Variants in CDK8 observed in about 807,000 individuals in gnomAD.
CDK8 encodes the protein cyclin dependent kinase 8.
A neutral mutation model predicts 71.5 loss-of-function variants in CDK8; 29 were observed. That is an observed-to-expected ratio of 0.41 (90% CI 0.30 to 0.55). The LOEUF is 0.55. CDK8 is among the 20% of genes least tolerant of loss of function. CDK8 has a pLI of 0.37. For synonymous variants in CDK8, 161 were observed against 192.1 expected (o/e 0.84, Z 1.34); for missense variants, 288 against 572.6 (o/e 0.50, Z 5.07).
intron 1 of CDK8, among the ~76,000 whole-genome samples, chr13:26,257,621 T>C (rs1233335043): frequency 6.6e-6 from 1 of 152,108 alleles, no homozygotes. Context: ...TCTTTCTGAG[T>C]TGATTGTATC....
chr13:26,378,202 A>C (rs571574118), intron 4 of CDK8, among the ~76,000 whole-genome samples: 2 of 152,326 alleles, frequency 1.3e-5, no homozygotes, highest in South Asian at 4.1e-4. Flanking sequence ...TTTCTTCATC[A>C]ACCCAGTTCT....
chr13:26,283,437 G>A (rs186415247), intron 1 of CDK8, among the ~76,000 whole-genome samples: 177 of 147,924 alleles, frequency 1.2e-3, no homozygotes, highest in Middle Eastern at 7.6e-3. Context: ...GTGAAACTCC[G>A]TCTCTACTAA....
At chr13:26,382,937 A>C in intron 5 of CDK8, 66 bp downstream of exon 5, 1 of 1,025,450 alleles carries the variant, frequency 9.8e-7, no homozygotes. Context: ...CAGCTATATC[A>C]CTTCTAATTT....
intron 1 of CDK8, among the ~76,000 whole-genome samples, chr13:26,292,691 C>G (rs793110): frequency 0.95 from 143,949 of 152,296 alleles, 68,075 homozygotes; most frequent in East Asian, 1. Context: ...GAGAAGAATG[C>G]ATATTGGGGC....
intron 1 of CDK8, among the ~76,000 whole-genome samples, chr13:26,288,958 C>T (rs548730851): frequency 8.8e-4 from 133 of 151,460 alleles, no homozygotes; most frequent in Non-Finnish European, 1.7e-3. Context: ...ACTATGGTCT[C>T]GAATTCCTGA....
At chr13:26,295,895 T>G (rs928696696) in intron 1 of CDK8, among the ~76,000 whole-genome samples, 2 of 152,168 alleles carry the variant, frequency 1.3e-5, no homozygotes, top group African/African-American at 4.8e-5. Flanking sequence ...ATTTCAATCT[T>G]CGTAAGCATT....
intron 1 of CDK8, among the ~76,000 whole-genome samples, chr13:26,298,077 C>T (rs544269459): frequency 4.1e-4 from 62 of 152,194 alleles, no homozygotes; most frequent in African/African-American, 1.3e-3. Context: ...CAATCTAATA[C>T]TTCCCCGAAG....
intron 1 of CDK8, among the ~76,000 whole-genome samples, chr13:26,321,663 T>A (rs1194654382): frequency 6.6e-6 from 1 of 152,142 alleles, no homozygotes; most frequent in East Asian, 1.9e-4. Context: ...CTAATGGCCT[T>A]ATAAGTTAAA....
intron 1 of CDK8, among the ~76,000 whole-genome samples, chr13:26,286,202 A>T (rs1029515111): frequency 6.6e-6 from 1 of 152,214 alleles, no homozygotes; most frequent in Non-Finnish European, 1.5e-5. Flanking sequence ...CACATAGCCA[A>T]AGCAAGACTA....
intron 1 of CDK8, among the ~76,000 whole-genome samples, chr13:26,257,981 T>G (rs1189319631): frequency 2.0e-5 from 3 of 151,876 alleles, no homozygotes; most frequent in Non-Finnish European, 4.4e-5. Context: ...GCCCAGAGAT[T>G]AGTAAGTAGG....
At chr13:26,260,418 CAT>C (rs765920049) in intron 1 of CDK8, among the ~76,000 whole-genome samples, 14 of 152,172 alleles carry the variant, frequency 9.2e-5, no homozygotes, top group Non-Finnish European at 1.5e-4. Flanking sequence ...AAGACTCTCT[CAT>C]GTGTAAAACT....
chr13:26,287,609 T>C (rs1260710077), intron 1 of CDK8, among the ~76,000 whole-genome samples: 3 of 152,132 alleles, frequency 2.0e-5, no homozygotes, highest in Non-Finnish European at 4.4e-5. Flanking sequence ...AGACTACATA[T>C]TGGGTACAGT....
intron 1 of CDK8, among the ~76,000 whole-genome samples, chr13:26,331,741 T>C (rs1046344743): frequency 6.6e-6 from 1 of 152,208 alleles, no homozygotes; most frequent in African/African-American, 2.4e-5. Context: ...AGTCAGGTAA[T>C]GTGATGCCTC....
At chr13:26,378,405 T>G (rs1323897099) in intron 4 of CDK8, among the ~76,000 whole-genome samples, 3 of 152,080 alleles carry the variant, frequency 2.0e-5, no homozygotes, top group Non-Finnish European at 4.4e-5. Context: ...CTTTAGGAAA[T>G]ATCAATGAGT....
At position 26,349,117 on chromosome 13, in the gene CDK8, G is replaced by T; in HGVS notation, c.250G>T (p.Val84Leu). ...TCCAAACGTCATTTCTCTTCAAAAG[G>T]TGTTTCTGTCTCATGCTGATAGGAA... ...KHPNVISLQK[V>L]FLSHADRKVW... The change falls in exon 3 of 13, where the codon GTG becomes TTG. Residue 84 changes from valine to leucine, a missense_variant. Transcript: ENST00000381527. 6.2e-7 allele frequency: 1 copy of T among 1,613,602 alleles called. No individual in the cohort carries two copies. The highest frequency in any genetic ancestry group is 8.5e-7 in the Non-Finnish European group (1 of 1,179,652).
rs9553778 is a variant in CDK8 at position 26,262,472 on chromosome 13, C to T, written c.128+7703C>T. Among the ~76,000 whole-genome samples, 494 of 152,090 alleles carry T rather than the reference C, an allele frequency of 3.2e-3. 20 individuals are homozygous for T. The East Asian group carries it at 0.079, about 24-fold the overall frequency. ...AACATTAAAAGCTTGAGGCATATTA[C>T]GGGAAGAGTAGAAAAGTAATACCTG... On this transcript the variant is annotated intron_variant, in intron 1 of 12. Transcript: ENST00000381527.
chr13:26,354,006 C>G, intron 4 of CDK8, 126 bp downstream of exon 4: 2 of 758,158 alleles, frequency 2.6e-6, no homozygotes, highest in Non-Finnish European at 4.5e-6. Flanking sequence ...AGAATGCTAC[C>G]TTCTCAAAAC....
intron 4 of CDK8, among the ~76,000 whole-genome samples, chr13:26,369,579 A>G (rs1184502723): frequency 8.8e-6 from 1 of 113,532 alleles, no homozygotes; most frequent in African/African-American, 3.5e-5. Flanking sequence ...CCCAGGCTGG[A>G]GTGCAGTAGC....
intron 6 of CDK8, among the ~76,000 whole-genome samples, chr13:26,392,078 T>C (rs1875769980): frequency 6.6e-6 from 1 of 152,192 alleles, no homozygotes; most frequent in Non-Finnish European, 1.5e-5. Flanking sequence ...AACCATGTGT[T>C]GAGGGTCTGC....
Sources: gnomAD v4.1 joint callset for allele counts (sites outside exome capture counted in the v4.1 genomes callset) on GRCh38, gnomAD v4.1.1 for gene constraint, MANE v1.5 for transcripts, NCBI Gene and HGNC (gene_info 2026-07-23, HGNC 2026-07-21) for gene names.